Variants in CA13 observed in about 807,000 individuals in gnomAD.
The protein encoded by CA13 is carbonic anhydrase 13.
A neutral mutation model predicts 31.5 loss-of-function variants in CA13; 21 were observed. That is an observed-to-expected ratio of 0.67 (90% CI 0.47 to 0.96). The LOEUF (loss-of-function observed/expected upper bound fraction) is 0.96, where lower values mean the gene tolerates loss of function less well. CA13 is among the 40% of genes least tolerant of loss of function. The pLI, the probability that CA13 is intolerant of heterozygous loss-of-function variation, is 0.00. For synonymous variants in CA13, 117 were observed against 111.4 expected, an observed-to-expected ratio of 1.05 and a Z score of -0.32; for missense variants, 315 against 318.9, an observed-to-expected ratio of 0.99 and a Z score of 0.09.
intron 6 of CA13, among the ~76,000 whole-genome samples, chr8:85,269,405 C>T (rs1447340698): frequency 2.0e-5 from 3 of 152,138 alleles, no homozygotes; most frequent in African/African-American, 7.2e-5. Context: ...GAGTCAGGAT[C>T]ATGCCGCTGC....
intron 1 of CA13, 57 bp from the exon 2 acceptor site, chr8:85,250,683 T>C (rs886700060): frequency 2.7e-6 from 3 of 1,104,160 alleles, no homozygotes; most frequent in African/African-American, 3.1e-5. Flanking sequence ...ACTCAATGTA[T>C]GTTTGTTGAA....
chr8:85,262,787 C>T (rs1358169818), intron 3 of CA13, among the ~76,000 whole-genome samples: 1 of 152,066 alleles, frequency 6.6e-6, no homozygotes, highest in Non-Finnish European at 1.5e-5. Context: ...CAGGTAGAGG[C>T]TGGCTGGCTG....
intron 1 of CA13, among the ~76,000 whole-genome samples, chr8:85,248,954 T>A (rs548896487): frequency 6.6e-6 from 1 of 152,316 alleles, no homozygotes; most frequent in South Asian, 2.1e-4. Context: ...AAGTCTAGGT[T>A]ATATATAGAA....
In CA13 at chr8:85,246,147, C is replaced by T. The variant is rs984350311; in HGVS notation, c.37+282C>T. On this transcript the variant is annotated intron_variant, in intron 1 of 6. Transcript: ENST00000321764. ...TTCATACGTGTGAGTTCACCTTCAT[C>T]TGAAAAGCCAAGGACTTTGCCTAGT... is the stretch of plus-strand genomic sequence containing the variant. 2.9e-5 allele frequency: 16 copies of T among 552,582 alleles called. No homozygotes were observed. The Admixed American group carries it at 4.8e-4, about 17-fold the overall frequency. The allele number at this position is 552,582 out of a possible 1,614,324, so 34.2% of individuals were successfully genotyped here. A position where few individuals can be genotyped will look rare whatever the true frequency, so the allele number is the denominator to read the frequency against.
In CA13 at chr8:85,281,418, G is replaced by A. The variant is rs931291569; in HGVS notation, c.*69G>A. On this transcript the variant is annotated 3_prime_UTR_variant, in exon 7 of 7. Transcript: ENST00000321764. ...CAACAAAACAAAACAAAGCACAAAA[G>A]TCTCTGCCAACAACTCTTTTGTGGA... 4.6e-5 allele frequency: 72 copies of A among 1,557,606 alleles called. No individual in the cohort carries two copies. Among genetic ancestry groups the A allele is most frequent in the Non-Finnish European group, 6.0e-5 (69 of 1,144,196 alleles).
At position 85,268,578 on chromosome 8, in the gene CA13, G is replaced by T. The variant is rs1406921370; in HGVS notation, c.620G>T (p.Ser207Ile). Residue 207 changes from serine to isoleucine, a missense_variant, in exon 6 of 7, where the codon AGT becomes ATT. Ser to Ile is a moderately radical substitution (Grantham distance 142). Coordinates refer to ENST00000321764, the MANE Select transcript of CA13 (RefSeq NM_198584.3). ...GSLTVPPLLE[S>I]VTWIVLKQPI... ...CTTACAGTTCCACCTCTTCTTGAGA[G>T]TGTCACATGGATTGTTTTAAAGCAA... 1 of 1,613,720 alleles carries T rather than the reference G, an allele frequency of 6.2e-7. No individual in the cohort carries two copies. The highest frequency in any genetic ancestry group is 8.5e-7 in the Non-Finnish European group (1 of 1,179,904).
At chr8:85,268,990 CAGAG>C (rs748161731) in intron 6 of CA13, among the ~76,000 whole-genome samples, 1 of 152,106 alleles carries the variant, frequency 6.6e-6, no homozygotes, top group Non-Finnish European at 1.5e-5. Flanking sequence ...ACAAAAAAAT[CAGAG>C]AGCGGCTACT....
chr8:85,245,550 C>G lies in CA13; in HGVS notation c.-279C>G. ...AGATCCCCCCCGGAAACCTTTCTCT[C>G]TCCGTCTCTCCCTCTAACTCAAATC... On this transcript the variant is annotated 5_prime_UTR_variant, in exon 1 of 7. Transcript: ENST00000321764. 3 of 469,460 alleles carry G rather than the reference C, an allele frequency of 6.4e-6. No homozygotes were observed. Among genetic ancestry groups the G allele is most frequent in the Non-Finnish European group, 1.1e-5 (3 of 264,320 alleles). 29.1% of individuals were successfully genotyped at this position (469,460 alleles called of 1,614,324 possible). A position where few individuals can be genotyped will look rare whatever the true frequency, so the allele number is the denominator to read the frequency against.
At chr8:85,264,664 C>T (rs1807432130) in intron 3 of CA13, among the ~76,000 whole-genome samples, 1 of 152,146 alleles carries the variant, frequency 6.6e-6, no homozygotes, top group African/African-American at 2.4e-5. Flanking sequence ...GTTACACATT[C>T]ATTTTTTAAT....
At chr8:85,257,285 A>C (rs1587536963) in intron 2 of CA13, among the ~76,000 whole-genome samples, 1 of 152,184 alleles carries the variant, frequency 6.6e-6, no homozygotes, top group African/African-American at 2.4e-5. Context: ...TTCTGCCTTA[A>C]AGGAATTTGT....
intron 6 of CA13, among the ~76,000 whole-genome samples, chr8:85,278,995 A>T (rs1807659768): frequency 6.6e-6 from 1 of 152,200 alleles, no homozygotes; most frequent in African/African-American, 2.4e-5. Flanking sequence ...CCATAACAGA[A>T]CTTATTTTTA....
chr8:85,262,817 C>T (rs1412644587), intron 3 of CA13, among the ~76,000 whole-genome samples: 2 of 151,964 alleles, frequency 1.3e-5, no homozygotes, highest in Non-Finnish European at 2.9e-5. Context: ...GCTTTAGTGG[C>T]ATTTGTCGAT....
At chr8:85,252,985 G>A (rs982198902) in intron 2 of CA13, among the ~76,000 whole-genome samples, 7 of 147,924 alleles carry the variant, frequency 4.7e-5, no homozygotes, top group African/African-American at 1.3e-4. Flanking sequence ...CACTCTTGTT[G>A]CCCAGGCTGG....
At chr8:85,251,298 A>C (rs1468038239) in intron 2 of CA13, among the ~76,000 whole-genome samples, 2 of 152,142 alleles carry the variant, frequency 1.3e-5, no homozygotes, top group African/African-American at 2.4e-5. Flanking sequence ...CACCGCACCC[A>C]GAATACACTC....
rs1564001684 is a variant in CA13, at chr8:85,259,502, C to T, written c.317C>T (p.Ser106Phe). Residue 106 changes from serine (S) to phenylalanine (F), a missense_variant, in exon 3 of 7, where the codon TCC (serine) becomes TTC (phenylalanine). Ser to Phe is a radical substitution (Grantham distance 155). Coordinates refer to ENST00000321764, the MANE Select transcript of CA13 (RefSeq NM_198584.3). ...LHWGSADDHGSEHIVDGVSYA... is the reference protein window; with the variant it reads ...LHWGSADDHGFEHIVDGVSYA... ...TGGGGGTCCGCTGATGACCACGGCTCCGAGCACATAGTAGATGGAGTGAGC... is the reference window on the plus strand; with the variant it reads ...TGGGGGTCCGCTGATGACCACGGCTTCGAGCACATAGTAGATGGAGTGAGC... 1 of 1,614,030 alleles carries T rather than the reference C, an allele frequency of 6.2e-7. No individual in the cohort carries two copies.
At chr8:85,250,702 C>A in intron 1 of CA13, 38 bp from the exon 2 acceptor site, 1 of 1,328,258 alleles carries the variant, frequency 7.5e-7, no homozygotes, top group Non-Finnish European at 1.1e-6. Flanking sequence ...AAAGAAAGAA[C>A]TTATTTAATC....
In CA13 at chr8:85,281,318, A is replaced by G. The variant is rs748180608; in HGVS notation, c.758A>G (p.Lys253Arg). Residue 253 changes from lysine (K) to arginine (R), a missense_variant, in exon 7 of 7, where the codon AAG (lysine) becomes AGG (arginine). By Grantham distance (26) the Lys-to-Arg change is conservative. Coordinates refer to ENST00000321764, the MANE Select transcript of CA13 (RefSeq NM_198584.3). ...AATCACCGCCCACCACAGCCTCTAA[A>G]GGGCCGCAAAGTGAGAGCCTCTTTC... ...VSNHRPPQPL[K>R]GRKVRASFH 19 of 1,613,916 alleles carry G rather than the reference A, an allele frequency of 1.2e-5. No homozygotes were observed. In the South Asian group the frequency reaches 2.1e-4, roughly 18 times the overall value.
At chr8:85,245,964 T>A in intron 1 of CA13, 99 bp downstream of exon 1, 1 of 1,378,838 alleles carries the variant, frequency 7.3e-7, no homozygotes, top group Non-Finnish European at 1.0e-6. Flanking sequence ...GGCTCGCACA[T>A]TGAGAAACTT....
In CA13 at chr8:85,245,963, A is replaced by G. The variant is rs1042214784; in HGVS notation, c.37+98A>G. On this transcript the variant is annotated intron_variant, in intron 1 of 6. Transcript: ENST00000321764. Reference sequence around the variant, plus strand: ...CGCTGACCACACACTGGGCTCGCACATTGAGAAACTTTTTCGGTTCCTCTT... The same window carrying G: ...CGCTGACCACACACTGGGCTCGCACGTTGAGAAACTTTTTCGGTTCCTCTT... The G allele has an allele frequency of 1.7e-5, 24 of 1,389,438 alleles. No homozygotes were observed. In the South Asian group the frequency reaches 2.4e-4, roughly 14 times the overall value. 86.1% of individuals were successfully genotyped at this position (1,389,438 alleles called of 1,614,324 possible). A position where few individuals can be genotyped will look rare whatever the true frequency, so the allele number is the denominator to read the frequency against.
Sources: allele counts gnomAD v4.1 joint callset (sites outside exome capture counted in the v4.1 genomes callset), GRCh38; gene constraint gnomAD v4.1.1; transcripts MANE v1.5; gene names NCBI Gene and HGNC (gene_info 2026-07-23, HGNC 2026-07-21).